SEPTIN9: variants seen among roughly 807,000 people sequenced by gnomAD.
The protein encoded by SEPTIN9 is septin 9.
In SEPTIN9, 13 loss-of-function variants were observed where a neutral mutation model predicts 56.6. The observed-to-expected ratio is 0.23, with a 90% CI of 0.15 to 0.37. The LOEUF (loss-of-function observed/expected upper bound fraction) is 0.37, where lower values mean the gene tolerates loss of function less well. Ranked by LOEUF, SEPTIN9 falls within the 10% of genes least tolerant of loss-of-function variation. SEPTIN9 has a pLI of 1.00. For missense variants in SEPTIN9, 650 were observed against 823.1 expected, an observed-to-expected ratio of 0.79 and a Z score of 2.57; for synonymous variants, 332 against 334.1, an observed-to-expected ratio of 0.99 and a Z score of 0.07.
rs190801407 is a variant in SEPTIN9, at chr17:77,455,468, G to A, written c.722-26676G>A. ...TCGGTCACTGAATGGTCACTGAACA[G>A]TCATCCTTGCTGGTGTCCCCAGTGG... On this transcript the variant is annotated intron_variant, in intron 3 of 11. Coordinates refer to ENST00000427177, the MANE Select transcript of SEPTIN9 (RefSeq NM_001113491.2). Among the ~76,000 whole-genome samples the A allele has an allele frequency of 3.3e-3, 496 of 152,370 alleles. 1 individual carries two copies. Among genetic ancestry groups the A allele is most frequent in the African/African-American group, 0.011 (457 of 41,588 alleles).
chr17:77,289,161 A>G (rs571913266), intron 1 of SEPTIN9, among the ~76,000 whole-genome samples: 6 of 152,240 alleles, frequency 3.9e-5, no homozygotes, highest in African/African-American at 1.2e-4. Context: ...TGGTGGCTCA[A>G]TCTTGGCTCA....
intron 2 of SEPTIN9, among the ~76,000 whole-genome samples, chr17:77,386,216 C>T (rs2035333053): frequency 6.6e-6 from 1 of 152,212 alleles, no homozygotes; most frequent in Non-Finnish European, 1.5e-5. Context: ...CTGTGCCCCA[C>T]AGGCTCCCTC....
At position 77,371,134 on chromosome 17, in the gene SEPTIN9, C is replaced by T. The variant is rs1382150723; in HGVS notation, c.77-30925C>T. On this transcript the variant is annotated intron_variant, in intron 2 of 11. Coordinates refer to ENST00000427177, the MANE Select transcript of SEPTIN9 (RefSeq NM_001113491.2). This position sits in a 1 kb window ranked among gnomAD's most constrained non-coding sequence, Gnocchi z 4.1. ...CTGATTTGGGTTTCCTGAAAGAGCT[C>T]GGGGAACCTCCTTACCTGGAGGTTT... 2.0e-5 allele frequency among the ~76,000 whole-genome samples: 3 copies of T among 152,100 alleles called. No individual in the cohort carries two copies. Among genetic ancestry groups the T allele is most frequent in the African/African-American group, 7.2e-5 (3 of 41,392 alleles).
intron 2 of SEPTIN9, 101 bp downstream of exon 2, chr17:77,307,298 C>T (rs1002295575): frequency 1.8e-6 from 2 of 1,088,674 alleles, no homozygotes; most frequent in Middle Eastern, 2.1e-4. Flanking sequence ...CCTGGCTTCC[C>T]TGGATGAGTG....
At position 77,326,142 on chromosome 17, in the gene SEPTIN9, A is replaced by C. The variant is rs1279125335; in HGVS notation, c.76+18945A>C. Among the ~76,000 whole-genome samples, 1 of 151,396 alleles carries C rather than the reference A, an allele frequency of 6.6e-6. No homozygotes were observed. Among genetic ancestry groups the C allele is most frequent in the Non-Finnish European group, 1.5e-5 (1 of 67,804 alleles). On this transcript the variant is annotated intron_variant, in intron 2 of 11. Coordinates refer to ENST00000427177, the MANE Select transcript of SEPTIN9 (RefSeq NM_001113491.2). The surrounding 1 kb of genome is among the most constrained non-coding windows in gnomAD (Gnocchi z 5.1). ...TCATCTCTGCTTCCCTCCCCACCCA[A>C]CCTCACCCATGTGGTCCGCCCAGCA...
chr17:77,407,972 C>T (rs974006280), intron 3 of SEPTIN9, among the ~76,000 whole-genome samples: 1 of 152,000 alleles, frequency 6.6e-6, no homozygotes, highest in African/African-American at 2.4e-5. Context: ...CTCAGAGCCC[C>T]CCCCACCAGA....
chr17:77,409,614 C>A (rs1488686929), intron 3 of SEPTIN9, among the ~76,000 whole-genome samples: 6 of 152,188 alleles, frequency 3.9e-5, no homozygotes, highest in Non-Finnish European at 5.9e-5. Flanking sequence ...GAGCCCCGGC[C>A]CCCAGACACA....
chr17:77,373,622 G>T lies in SEPTIN9; in HGVS notation c.77-28437G>T, dbSNP rs2034803048. ...GACCCTGCGGGTGGGCCTGGCGCGG[G>T]ACGGGGGTGCGCTGAGGGGAGACGG... On this transcript the variant is annotated intron_variant, in intron 2 of 11. Transcript: ENST00000427177. 3.9e-6 allele frequency: 6 copies of T among 1,524,194 alleles called. No homozygotes were observed. In the Admixed American group the frequency reaches 1.2e-4, roughly 31 times the overall value. The allele number at this position is 1,524,194 out of a possible 1,614,324, so 94.4% of individuals were successfully genotyped here.
At chr17:77,469,427 A>T (rs2038884167) in intron 3 of SEPTIN9, 1 of 152,222 alleles carries the variant, frequency 6.6e-6, no homozygotes, top group African/African-American at 2.4e-5. Flanking sequence ...CATTCTTCAG[A>T]GGATTGGTGG....
chr17:77,392,849 C>T lies in SEPTIN9; in HGVS notation c.77-9210C>T, dbSNP rs1003466276. Among the ~76,000 whole-genome samples the T allele has an allele frequency of 2.6e-5, 4 of 152,284 alleles. No individual in the cohort carries two copies. In the East Asian group the frequency reaches 5.8e-4, roughly 22 times the overall value. On this transcript the variant is annotated intron_variant, in intron 2 of 11. Coordinates refer to ENST00000427177, the MANE Select transcript of SEPTIN9 (RefSeq NM_001113491.2). Reference sequence around the variant, plus strand: ...CTGTGGGGAGCCTGGGGGCCGCCCTCCACTGACACTGCTGTTTCCTGGCTT... The same window carrying T: ...CTGTGGGGAGCCTGGGGGCCGCCCTTCACTGACACTGCTGTTTCCTGGCTT...
chr17:77,308,405 C>G (rs565504787), intron 2 of SEPTIN9, among the ~76,000 whole-genome samples: 3 of 152,240 alleles, frequency 2.0e-5, no homozygotes, highest in African/African-American at 7.2e-5. Flanking sequence ...CATCTGGAGC[C>G]GCCACCTCCA....
rs1598403528 is a variant in SEPTIN9 at position 77,456,330 on chromosome 17, G to A, written c.722-25814G>A. On this transcript the variant is annotated intron_variant, in intron 3 of 11. Transcript: ENST00000427177. The surrounding 1 kb of genome is among the most constrained non-coding windows in gnomAD (Gnocchi z 6.0). The stretch of plus-strand genomic sequence containing the variant: ...GAGCAGGTGTGGTGTGCGTCCTCCT[G>A]CGGGTTCTCCACCTCTTGGCTTCGT... The A allele has an allele frequency of 6.6e-6, 1 of 152,406 alleles. No homozygotes were observed. The highest frequency in any genetic ancestry group is 1.9e-4 in the East Asian group (1 of 5,188). 9.4% of individuals were successfully genotyped at this position (152,406 alleles called of 1,614,324 possible).
intron 2 of SEPTIN9, among the ~76,000 whole-genome samples, chr17:77,347,326 C>T (rs568985565): frequency 1.3e-5 from 2 of 149,708 alleles, no homozygotes; most frequent in Non-Finnish European, 3.0e-5. Context: ...TGCAGTGAGC[C>T]GAGATTGCAC....
rs2143688015 is a variant in SEPTIN9, at chr17:77,327,061, G to A, written c.76+19864G>A. 6.6e-6 allele frequency among the ~76,000 whole-genome samples: 1 copy of A among 151,980 alleles called. No individual in the cohort carries two copies. Among genetic ancestry groups the A allele is most frequent in the South Asian group, 2.1e-4 (1 of 4,822 alleles). On this transcript the variant is annotated intron_variant, in intron 2 of 11. Transcript: ENST00000427177. This position sits in a 1 kb window ranked among gnomAD's most constrained non-coding sequence, Gnocchi z 5.0. ...AAACTAGTAAATTCCATGAGCCCCA[G>A]GAACATGTGTAAAAGAAAAAAAAAA... is the stretch of plus-strand genomic sequence containing the variant.
In SEPTIN9 at chr17:77,450,311, G is replaced by C. The variant is rs1219591456; in HGVS notation, c.722-31833G>C. ...TGGGGGTGCGGGATGGGAAAGGTAA[G>C]AGTGTGTGGAGCCCAGTCAGCACTC... On this transcript the variant is annotated intron_variant, in intron 3 of 11. Transcript: ENST00000427177. This position sits in a 1 kb window ranked among gnomAD's most constrained non-coding sequence, Gnocchi z 6.0. 6.6e-6 allele frequency among the ~76,000 whole-genome samples: 1 copy of C among 152,222 alleles called. No homozygotes were observed. The highest frequency in any genetic ancestry group is 1.5e-5 in the Non-Finnish European group (1 of 68,026).
At chr17:77,430,423 G>T (rs1417375796) in intron 3 of SEPTIN9, among the ~76,000 whole-genome samples, 1 of 152,218 alleles carries the variant, frequency 6.6e-6, no homozygotes, top group Non-Finnish European at 1.5e-5. Context: ...CGTGGATAGA[G>T]CAGAGCCATG....
At chr17:77,376,830 A>C (rs2034939844) in intron 2 of SEPTIN9, 1 of 152,362 alleles carries the variant, frequency 6.6e-6, no homozygotes, top group South Asian at 2.1e-4. Context: ...TCCTGGGCAC[A>C]TCTACCCCCT....
intron 2 of SEPTIN9, among the ~76,000 whole-genome samples, chr17:77,390,293 G>A (rs1473459892): frequency 2.1e-5 from 3 of 140,660 alleles, no homozygotes; most frequent in Non-Finnish European, 4.6e-5. Context: ...CTTGCAGTGA[G>A]CAGAGATGGC....
chr17:77,423,512 T>C (rs750289915), intron 3 of SEPTIN9, among the ~76,000 whole-genome samples: 2 of 152,250 alleles, frequency 1.3e-5, no homozygotes, highest in Non-Finnish European at 2.9e-5. Flanking sequence ...CAAGAGACTT[T>C]AGAGATGTGG....
Sources: gnomAD v4.1 joint callset for allele counts (sites outside exome capture counted in the v4.1 genomes callset) on GRCh38, gnomAD v4.1.1 for gene constraint, Gnocchi (gnomAD v3.1) non-coding constraint, MANE v1.5 for transcripts, NCBI Gene and HGNC (gene_info 2026-07-23, HGNC 2026-07-21) for gene names.